MAPKBP1: variants seen among roughly 807,000 people sequenced by gnomAD.
MAPKBP1 encodes the protein mitogen-activated protein kinase-binding protein 1.
MAPKBP1 carries 71 observed loss-of-function variants against 170.5 expected under a neutral mutation model. The observed-to-expected ratio is 0.42, with a 90% confidence interval of 0.34 to 0.51. MAPKBP1 has a LOEUF of 0.51. Ranked by LOEUF, MAPKBP1 falls within the 20% of genes least tolerant of loss-of-function variation. The pLI is 0.06. For missense variants in MAPKBP1, 1,598 were observed against 1,933.0 expected (o/e 0.83, Z 3.25); for synonymous variants, 719 against 757.9 (o/e 0.95, Z 0.84).
rs964134918 is a variant in MAPKBP1, at chr15:41,824,417, G to A, written c.4214-67G>A. On this transcript the variant is annotated intron_variant, in intron 29 of 30. Transcript: ENST00000457542. ...GGGCTAGGTCTCTCCTGTTCTGAGT[G>A]TCTTGGGTGCGGAGGCCTGAAAGGG... 2.1e-6 allele frequency: 3 copies of A among 1,420,784 alleles called. No individual in the cohort carries two copies. The African/African-American group carries it at 4.2e-5, about 20-fold the overall frequency. 88.0% of individuals were successfully genotyped at this position (1,420,784 alleles called of 1,614,324 possible). A position where few individuals can be genotyped will look rare whatever the true frequency, so the allele number is the denominator to read the frequency against.
At chr15:41,824,210 C>CAT in intron 29 of MAPKBP1, 149 bp downstream of exon 29, 1 of 1,124,552 alleles carries the variant, frequency 8.9e-7, no homozygotes, top group Non-Finnish European at 1.3e-6. Context: ...TAAGTCACAC[C>CAT]CCTGATGGTG....
At chr15:41,804,215 T>G (rs1280559085) in intron 3 of MAPKBP1, among the ~76,000 whole-genome samples, 3 of 152,230 alleles carry the variant, frequency 2.0e-5, no homozygotes, top group African/African-American at 2.4e-5. Context: ...GAGCCCCATT[T>G]ATGGGCAGCT....
Position 41,799,942 on chromosome 15 carries a change from G to C in MAPKBP1, c.206+28G>C. On this transcript the variant is annotated intron_variant, in intron 3 of 30. Coordinates refer to ENST00000457542, the MANE Select transcript of MAPKBP1 (RefSeq NM_014994.3). ...AAGTAAGCGCCTTGGAAGAGATCTT[G>C]ATGCATGGGAATTTATAGCCACGCT... 1.9e-6 allele frequency: 3 copies of C among 1,597,200 alleles called. No individual in the cohort carries two copies. The South Asian group carries it at 3.3e-5, about 18-fold the overall frequency.
chr15:41,823,354 T>TGGAGGGGAACAGCAGCTCTTA, intron 28 of MAPKBP1, 93 bp from the exon 29 acceptor site: 3 of 1,547,260 alleles, frequency 1.9e-6, no homozygotes, highest in Non-Finnish European at 2.6e-6. Flanking sequence ...AATGGGCATG[T>TGGAGGGGAACAGCAGCTCTTA]GGAGGGGAAC....
rs2064936975 is a variant in MAPKBP1, at chr15:41,818,869, A to G, written c.2203A>G (p.Arg735Gly). ...GAGCTCTGAGATGACCATCAGCATGAGGCAGCGTCTGGCCGAGTTGCGCCA... is the reference window on the plus strand; with the variant it reads ...GAGCTCTGAGATGACCATCAGCATGGGGCAGCGTCTGGCCGAGTTGCGCCA... ...RLSSEMTISMRQRLAELRQRQ... is the reference protein window; with the variant it reads ...RLSSEMTISMGQRLAELRQRQ... Residue 735 changes from arginine to glycine, a missense_variant, in exon 20 of 31, where the codon AGG becomes GGG. This residue lies in a region of MAPKBP1 where 63 missense variants were observed against 115.2 expected (regional missense o/e 0.55). Coordinates refer to ENST00000457542, the MANE Select transcript of MAPKBP1 (RefSeq NM_014994.3). The surrounding 1 kb of genome is among the most constrained non-coding windows in gnomAD (Gnocchi z 5.2). The G allele has an allele frequency of 6.2e-7, 1 of 1,614,120 alleles. No homozygotes were observed. Among genetic ancestry groups the G allele is most frequent in the Admixed American group, 1.7e-5 (1 of 60,008 alleles).
At chr15:41,819,474 C>T (rs1333569785) in intron 21 of MAPKBP1, 95 bp downstream of exon 21, 1 of 1,579,092 alleles carries the variant, frequency 6.3e-7, no homozygotes, top group South Asian at 1.1e-5. Context: ...GCAGTGTGAG[C>T]TGAGGAAACT....
At chr15:41,783,665 T>C (rs1020934231) in intron 2 of MAPKBP1, among the ~76,000 whole-genome samples, 13 of 152,230 alleles carry the variant, frequency 8.5e-5, no homozygotes, top group South Asian at 2.1e-4. Context: ...GCCAGATGGA[T>C]TGGATGGAGA....
intron 7 of MAPKBP1, 82 bp downstream of exon 7, chr15:41,812,735 G>C (rs1366317946): frequency 6.6e-7 from 1 of 1,509,674 alleles, no homozygotes; most frequent in Non-Finnish European, 8.9e-7. Context: ...TGCCCCACTT[G>C]GGCCTCTCTC....
intron 2 of MAPKBP1, among the ~76,000 whole-genome samples, chr15:41,779,019 C>G (rs988102453): frequency 6.6e-5 from 10 of 152,060 alleles, no homozygotes; most frequent in African/African-American, 2.4e-4. Flanking sequence ...AATTGTAAAT[C>G]TAATTCTTCT....
At position 41,781,185 on chromosome 15, in the gene MAPKBP1, C is replaced by T. The variant is rs760610493; in HGVS notation, c.114+5796C>T. 1.4e-3 allele frequency among the ~76,000 whole-genome samples: 205 copies of T among 151,820 alleles called. 1 individual carries two copies. Among genetic ancestry groups the T allele is most frequent in the Non-Finnish European group, 2.3e-3 (158 of 67,954 alleles). On this transcript the variant is annotated intron_variant, in intron 2 of 30. Transcript: ENST00000457542. ...CCACCTCCCGGGTTCAAGTGATTCT[C>T]TTGCCTCAGCCTCCCGAGTAGCTGG...
Position 41,817,958 on chromosome 15 carries a change from G to A in MAPKBP1, c.1905-51G>A, listed in dbSNP as rs541922364. On this transcript the variant is annotated intron_variant, in intron 16 of 30. Transcript: ENST00000457542. This position sits in a 1 kb window ranked among gnomAD's most constrained non-coding sequence, Gnocchi z 4.2. ...AAGCTGGCATTTCCATCCCCCAGGC[G>A]TGTTCCACCTTCACCGCCTCCTCAT... The A allele has an allele frequency of 2.6e-5, 41 of 1,585,912 alleles. No individual in the cohort carries two copies. Among genetic ancestry groups the A allele is most frequent in the South Asian group, 2.2e-4 (20 of 90,372 alleles).
At position 41,820,823 on chromosome 15, in the gene MAPKBP1, T is replaced by C. The variant is rs757518806; in HGVS notation, c.2482-9T>C. The C allele has an allele frequency of 6.2e-7, 1 of 1,609,348 alleles. No homozygotes were observed. The highest frequency in any genetic ancestry group is 1.7e-5 in the Admixed American group (1 of 59,886). ...TGTTACTCCTCCCCCACCCCCTACC[T>C]CCCACCAGGCACAGGAGTCCGTGGG... On this transcript the variant is annotated splice_polypyrimidine_tract_variant and intron_variant, in intron 22 of 30. Transcript: ENST00000457542.
Position 41,812,107 on chromosome 15 carries a change from G to A in MAPKBP1, c.478G>A (p.Val160Ile), listed in dbSNP as rs61729967. ...TGTGGGCTACCAGCATGACATGATC[G>A]TCAACGTGTGGGCCTGGAAGGTGAG... ...VSVGYQHDMIVNVWAWKKNIV... is the reference protein window; with the variant it reads ...VSVGYQHDMIINVWAWKKNIV... The change falls in exon 6 of 31, where the codon GTC (valine) becomes ATC (isoleucine). Residue 160 changes from valine to isoleucine, a missense_variant. Physicochemically the swap from Val to Ile is conservative, Grantham distance 29. Transcript: ENST00000457542. 16,074 of 1,614,124 alleles carry A rather than the reference G, an allele frequency of 1.0e-2. 97 individuals are homozygous for A. The highest frequency in any genetic ancestry group is 0.013 in the Non-Finnish European group (14,833 of 1,180,036).
rs548765136 is a variant in MAPKBP1 at position 41,808,482 on chromosome 15, T to A, written c.207-2401T>A. On this transcript the variant is annotated intron_variant, in intron 3 of 30. Coordinates refer to ENST00000457542, the MANE Select transcript of MAPKBP1 (RefSeq NM_014994.3). ...GAGCCATCTTGCTTTTGTCGTACTTTTTTTTTTTTTGAGACAGAGTCTAGT... is the reference window on the plus strand; with the variant it reads ...GAGCCATCTTGCTTTTGTCGTACTTATTTTTTTTTTGAGACAGAGTCTAGT... Among the ~76,000 whole-genome samples, 72 of 151,150 alleles carry A rather than the reference T, an allele frequency of 4.8e-4. 1 individual carries two copies. In the South Asian group the frequency reaches 0.015, roughly 31 times the overall value.
chr15:41,782,023 C>G (rs569715558), intron 2 of MAPKBP1, among the ~76,000 whole-genome samples: 4 of 147,030 alleles, frequency 2.7e-5, no homozygotes, highest in Non-Finnish European at 5.9e-5. Flanking sequence ...CCGAGGCGGG[C>G]GGATCATGAG....
In MAPKBP1 at chr15:41,810,902, A is replaced by C; in HGVS notation, c.226A>C (p.Asn76His). Reference protein sequence around the residue: ...YPAGCVVVLFNPRKHKQHHIL... With the variant: ...YPAGCVVVLFHPRKHKQHHIL... ...CCTCAGGTGTGTGGTTGTGTTGTTC[A>C]ATCCCCGGAAACACAAACAGCACCA... The change falls in exon 4 of 31, where the codon AAT (asparagine) becomes CAT (histidine). Residue 76 changes from asparagine (N) to histidine (H), a missense_variant. Around this residue, in one of 6 missense-constraint regions of MAPKBP1, gnomAD observed 151 missense variants for 191.4 expected, o/e 0.79. Transcript: ENST00000457542. The C allele has an allele frequency of 6.2e-7, 1 of 1,614,128 alleles. No individual in the cohort carries two copies. Among genetic ancestry groups the C allele is most frequent in the Non-Finnish European group, 8.5e-7 (1 of 1,180,018 alleles).
At position 41,803,434 on chromosome 15, in the gene MAPKBP1, A is replaced by AAAAAAAAAAAAAAAAAAAAG. The variant is rs58804270; in HGVS notation, c.206+3521_206+3522insAAAAAAAAAAAAAAAAAAGA. 4.8e-4 allele frequency among the ~76,000 whole-genome samples: 44 copies of AAAAAAAAAAAAAAAAAAAAG among 90,778 alleles called. 16 individuals are homozygous for AAAAAAAAAAAAAAAAAAAAG. Among genetic ancestry groups the AAAAAAAAAAAAAAAAAAAAG allele is most frequent in the African/African-American group, 1.2e-3 (28 of 23,102 alleles). 59.6% of individuals were successfully genotyped at this position (90,778 alleles called of 152,430 possible). ...ATCTCAAAAAAAAAAAAAAAAAAAAAAGGTTAAGCAGGCAGGGTGCAGTGG... is the reference window on the plus strand; with the variant it reads ...ATCTCAAAAAAAAAAAAAAAAAAAAAAAAAAAAAAAAAAAAAAAAGAGGTTAAGCAGGCAGGGTGCAGTGG... On this transcript the variant is annotated intron_variant, in intron 3 of 30. Coordinates refer to ENST00000457542, the MANE Select transcript of MAPKBP1 (RefSeq NM_014994.3).
At chr15:41,803,762 A>AGTGT (rs1042521768) in intron 3 of MAPKBP1, among the ~76,000 whole-genome samples, 8 of 152,122 alleles carry the variant, frequency 5.3e-5, no homozygotes, top group African/African-American at 1.9e-4. Flanking sequence ...TAACATAGCT[A>AGTGT]GTGTGTGTAA....
intron 30 of MAPKBP1, 116 bp downstream of exon 30, chr15:41,824,685 C>T (rs1276482221): frequency 2.9e-6 from 3 of 1,036,266 alleles, no homozygotes; most frequent in Non-Finnish European, 4.2e-6. Flanking sequence ...ATGGCACACT[C>T]AAGAACATCT....
Sources: allele counts gnomAD v4.1 joint callset (sites outside exome capture counted in the v4.1 genomes callset), GRCh38; gene constraint gnomAD v4.1.1; regional missense constraint gnomAD v4.1.1; non-coding constraint Gnocchi (gnomAD v3.1); transcripts MANE v1.5; gene names NCBI Gene and HGNC (gene_info 2026-07-23, HGNC 2026-07-21).